Variants in ARMC2 observed in about 807,000 individuals in gnomAD.
ARMC2 encodes the protein armadillo repeat containing 2.
Under a neutral mutation model 90.3 loss-of-function variants are expected in ARMC2, and 67 were observed. The observed-to-expected ratio is 0.74, with a 90% CI of 0.61 to 0.91. The LOEUF is 0.91. Among genes scored for constraint, ARMC2 ranks in the 40% least tolerant of loss-of-function variants. The pLI, the probability that ARMC2 is intolerant of heterozygous loss-of-function variation, is 0.00. For missense variants in ARMC2, 920 were observed against 1,030.9 expected (o/e 0.89, Z 1.47); for synonymous variants, 393 against 393.0 (o/e 1.00, Z 0.00).
intron 8 of ARMC2, among the ~76,000 whole-genome samples, chr6:108,910,630 A>G (rs534384079): frequency 1.4e-4 from 22 of 152,314 alleles, no homozygotes; most frequent in Admixed American, 1.2e-3. Flanking sequence ...CTGCACTCCT[A>G]TGTTTATTCC....
intron 17 of ARMC2, among the ~76,000 whole-genome samples, chr6:108,971,581 CAG>C (rs1208850497): frequency 1.3e-5 from 2 of 152,022 alleles, no homozygotes; most frequent in East Asian, 1.9e-4. Context: ...CTGATATCAA[CAG>C]AGTCATGAAG....
intron 6 of ARMC2, 43 bp from the exon 7 acceptor site, chr6:108,899,651 C>T (rs1176356158): frequency 6.8e-7 from 1 of 1,481,354 alleles, no homozygotes; most frequent in Admixed American, 1.8e-5. Context: ...CATGACAACT[C>T]CTTTTTCATA....
chr6:108,878,864 C>A (rs1376083604), intron 5 of ARMC2, among the ~76,000 whole-genome samples: 4 of 152,182 alleles, frequency 2.6e-5, no homozygotes, highest in Non-Finnish European at 4.4e-5. Flanking sequence ...CTGCCATTAA[C>A]AAAATGTGTG....
At chr6:109,045,462 T>C in the ARMC2 span, among the ~76,000 whole-genome samples, 4 of 128,440 alleles carry the variant, frequency 3.1e-5, no homozygotes, top group South Asian at 8.8e-4. Context: ...TGGCATATAA[T>C]TCCATTTCAG....
intron 6 of ARMC2, among the ~76,000 whole-genome samples, chr6:108,896,976 A>G (rs995648666): frequency 1.1e-4 from 16 of 152,250 alleles, no homozygotes; most frequent in African/African-American, 3.9e-4. Context: ...TATACTTTGG[A>G]CTTTGAATAG....
At chr6:108,958,764 C>A (rs1490061042) in intron 13 of ARMC2, among the ~76,000 whole-genome samples, 1 of 152,250 alleles carries the variant, frequency 6.6e-6, no homozygotes, top group African/African-American at 2.4e-5. Context: ...ACTTAGCACC[C>A]ACTATGTGCC....
chr6:108,985,078 A>G, the ARMC2 span, among the ~76,000 whole-genome samples: 1 of 152,198 alleles, frequency 6.6e-6, no homozygotes, highest in Admixed American at 6.5e-5. Context: ...ATTCACATAT[A>G]CAAATATGCT....
chr6:108,955,684 CTT>C (rs1777527173), intron 13 of ARMC2, among the ~76,000 whole-genome samples: 1 of 152,186 alleles, frequency 6.6e-6, no homozygotes, highest in Non-Finnish European at 1.5e-5. Flanking sequence ...GGCTTGAACT[CTT>C]TTCCAAGCTG....
At chr6:108,890,958 A>C (rs537263782) in intron 5 of ARMC2, among the ~76,000 whole-genome samples, 1 of 123,486 alleles carries the variant, frequency 8.1e-6, no homozygotes, top group Non-Finnish European at 1.5e-5. Context: ...CTCTGTGTTC[A>C]TGTGTTCTCA....
intron 10 of ARMC2, among the ~76,000 whole-genome samples, chr6:108,918,654 A>T (rs1162117348): frequency 6.6e-6 from 1 of 152,100 alleles, no homozygotes; most frequent in Non-Finnish European, 1.5e-5. Context: ...TGAGGATAGC[A>T]CCGCACTGGA....
chr6:109,029,300 A>T, the ARMC2 span, among the ~76,000 whole-genome samples: 1 of 152,264 alleles, frequency 6.6e-6, no homozygotes, highest in Non-Finnish European at 1.5e-5. Flanking sequence ...TCACGGGTTA[A>T]AACACAGTAA....
intron 17 of ARMC2, among the ~76,000 whole-genome samples, chr6:108,967,988 A>G (rs978523310): frequency 6.6e-6 from 1 of 152,144 alleles, no homozygotes; most frequent in African/African-American, 2.4e-5. Flanking sequence ...TATACTTCTT[A>G]TATAGCAATC....
At chr6:108,922,505 A>G (rs538428305) in intron 10 of ARMC2, among the ~76,000 whole-genome samples, 1 of 152,340 alleles carries the variant, frequency 6.6e-6, no homozygotes, top group African/African-American at 2.4e-5. Context: ...TTGAAAACAC[A>G]ATTTGAAATT....
intron 12 of ARMC2, among the ~76,000 whole-genome samples, chr6:108,950,034 C>T (rs551562362): frequency 2.6e-4 from 39 of 152,210 alleles, no homozygotes; most frequent in African/African-American, 7.0e-4. Flanking sequence ...GGTGAAACCG[C>T]GTCTCTACTA....
intron 8 of ARMC2, among the ~76,000 whole-genome samples, chr6:108,909,748 C>A (rs1241592163): frequency 6.6e-6 from 1 of 152,084 alleles, no homozygotes; most frequent in Admixed American, 6.5e-5. Flanking sequence ...GTTGGTCAGG[C>A]TGGTCTCGAA....
chr6:108,943,676 C>A lies in ARMC2; in HGVS notation c.1596+6677C>A, dbSNP rs564901464. Among the ~76,000 whole-genome samples, 160 of 150,094 alleles carry A rather than the reference C, an allele frequency of 1.1e-3. 2 individuals are homozygous for A. In the East Asian group the frequency reaches 0.014, roughly 13 times the overall value. ...TCTACAACAACAATTAAAAAAAAAC[C>A]CACAAAAATTAGCTGGGTTTGGTGG... On this transcript the variant is annotated intron_variant, in intron 12 of 17. Transcript: ENST00000392644.
At chr6:108,976,163 C>A (rs1330651872), downstream of ARMC2, among the ~76,000 whole-genome samples, 2 of 151,910 alleles carry the variant, frequency 1.3e-5, no homozygotes, top group Admixed American at 1.3e-4. Flanking sequence ...CTTTTATCTA[C>A]CTTCAGTTAA....
At chr6:108,982,594 C>T in the ARMC2 span, among the ~76,000 whole-genome samples, 1 of 152,194 alleles carries the variant, frequency 6.6e-6, no homozygotes, top group Non-Finnish European at 1.5e-5. Flanking sequence ...ACCAATGCCA[C>T]ATAAGTGTTC....
In ARMC2 at chr6:108,956,575, C is replaced by T. The variant is rs191945032; in HGVS notation, c.1915+3224C>T. 4.3e-3 allele frequency among the ~76,000 whole-genome samples: 645 copies of T among 151,746 alleles called. 1 individual carries two copies. Among genetic ancestry groups the T allele is most frequent in the Non-Finnish European group, 7.4e-3 (501 of 67,920 alleles). On this transcript the variant is annotated intron_variant, in intron 13 of 17. Coordinates refer to ENST00000392644, the MANE Select transcript of ARMC2 (RefSeq NM_032131.6). The stretch of plus-strand genomic sequence containing the variant: ...AATTAGCTGAGTGTGGTGGGACACG[C>T]CTGTGATCTCAGCTACTCAGGAGGC...
Sources: allele counts gnomAD v4.1 joint callset (sites outside exome capture counted in the v4.1 genomes callset), GRCh38; gene constraint gnomAD v4.1.1; transcripts MANE v1.5; gene names NCBI Gene and HGNC (gene_info 2026-07-23, HGNC 2026-07-21).